Variants in NEGR1 observed in about 807,000 individuals in gnomAD.
NEGR1 encodes IgLON family member 4.
A neutral mutation model predicts 40.9 loss-of-function variants in NEGR1; 10 were observed. The ratio of observed to expected loss-of-function variants is 0.24; its 90% CI spans 0.15 to 0.42. The LOEUF is 0.42. Ranked by LOEUF, NEGR1 falls within the 10% of genes least tolerant of loss-of-function variation. The probability of loss-of-function intolerance (pLI) is 1.00; values close to 1 mark genes in which losing one functional copy is unlikely to be tolerated. For missense variants in NEGR1, 352 were observed against 438.9 expected, an observed-to-expected ratio of 0.80 and a Z score of 1.77; for synonymous variants, 185 against 166.8, an observed-to-expected ratio of 1.11 and a Z score of -0.84.
chr1:72,041,894 T>C (rs1306987846), intron 1 of NEGR1, among the ~76,000 whole-genome samples: 1 of 145,144 alleles, frequency 6.9e-6, no homozygotes, highest in Non-Finnish European at 1.5e-5. Context: ...TATAAATATA[T>C]ATTTGAGTTT....
intron 2 of NEGR1, among the ~76,000 whole-genome samples, chr1:71,819,975 G>A (rs1224243278): frequency 6.6e-6 from 1 of 152,024 alleles, no homozygotes; most frequent in African/African-American, 2.4e-5. Flanking sequence ...CCAGAAGGGG[G>A]ACAGGCTGTT....
At chr1:72,240,278 A>G (rs1415986675) in intron 1 of NEGR1, among the ~76,000 whole-genome samples, 1 of 151,894 alleles carries the variant, frequency 6.6e-6, no homozygotes, top group Non-Finnish European at 1.5e-5. Flanking sequence ...TCAATTTGCA[A>G]TGAAAAGAAA....
intron 3 of NEGR1, among the ~76,000 whole-genome samples, chr1:71,724,279 A>G (rs1022600285): frequency 6.6e-6 from 1 of 152,138 alleles, no homozygotes; most frequent in Non-Finnish European, 1.5e-5. Flanking sequence ...ATCACACCAT[A>G]CATCGTAGTT....
At chr1:72,056,520 C>G (rs2100485966) in intron 1 of NEGR1, among the ~76,000 whole-genome samples, 1 of 151,332 alleles carries the variant, frequency 6.6e-6, no homozygotes, top group South Asian at 2.1e-4. Context: ...TTAGAATAAT[C>G]TATCTAGTAA....
At chr1:72,053,742 G>A (rs953634800) in intron 1 of NEGR1, among the ~76,000 whole-genome samples, 1 of 151,034 alleles carries the variant, frequency 6.6e-6, no homozygotes, top group Non-Finnish European at 1.5e-5. Flanking sequence ...CACTGAACTT[G>A]TTTTCCACCC....
chr1:71,456,764 A>C (rs1200002621), intron 6 of NEGR1, among the ~76,000 whole-genome samples: 1 of 152,228 alleles, frequency 6.6e-6, no homozygotes, highest in African/African-American at 2.4e-5. Context: ...ATGTTTTTAC[A>C]ATTTTGCCAT....
intron 6 of NEGR1, among the ~76,000 whole-genome samples, chr1:71,430,115 TG>T (rs904260525): frequency 3.9e-5 from 6 of 152,212 alleles, no homozygotes; most frequent in African/African-American, 1.2e-4. Context: ...TACTGCAGTA[TG>T]GAAGAGGAGA....
At chr1:71,877,944 A>G (rs1422647657) in intron 2 of NEGR1, among the ~76,000 whole-genome samples, 1 of 152,166 alleles carries the variant, frequency 6.6e-6, no homozygotes, top group Non-Finnish European at 1.5e-5. Context: ...ATGGCCTGTC[A>G]TGGCCTGAAC....
Position 71,791,606 on chromosome 1 carries a change from T to C in NEGR1, c.410-15309A>G, listed in dbSNP as rs576851535. Among the ~76,000 whole-genome samples the C allele has an allele frequency of 5.3e-5, 8 of 152,232 alleles. No individual in the cohort carries two copies. The East Asian group carries it at 1.5e-3, about 29-fold the overall frequency. The stretch of plus-strand genomic sequence containing the variant: ...TATTTCATAATAATAGAATATTTCA[T>C]AGTGTTCCCATCAGATATTGAGATC... On this transcript the variant is annotated intron_variant, in intron 2 of 6. Transcript: ENST00000357731.
intron 6 of NEGR1, among the ~76,000 whole-genome samples, chr1:71,576,065 A>G (rs527782308): frequency 1.3e-5 from 2 of 152,292 alleles, no homozygotes; most frequent in Non-Finnish European, 2.9e-5. Context: ...ATAGTGTCCA[A>G]GAAACAACTT....
intron 4 of NEGR1, among the ~76,000 whole-genome samples, chr1:71,618,791 G>C (rs1324896866): frequency 2.0e-5 from 3 of 152,120 alleles, no homozygotes; most frequent in African/African-American, 4.8e-5. Flanking sequence ...AAAAAGGTTA[G>C]AGACTGCTGT....
chr1:71,568,277 GC>G (rs1272334304), intron 6 of NEGR1, among the ~76,000 whole-genome samples: 1 of 152,182 alleles, frequency 6.6e-6, no homozygotes, highest in Non-Finnish European at 1.5e-5. Flanking sequence ...ATATCAGAGA[GC>G]CCTATCTTAA....
chr1:72,071,319 G>C (rs534911200), intron 1 of NEGR1, among the ~76,000 whole-genome samples: 3 of 152,166 alleles, frequency 2.0e-5, no homozygotes, highest in Admixed American at 2.0e-4. Context: ...ATAAGTTAAT[G>C]TATATTCTAC....
intron 3 of NEGR1, among the ~76,000 whole-genome samples, chr1:71,735,145 C>T (rs565930886): frequency 7.2e-5 from 11 of 152,228 alleles, no homozygotes; most frequent in African/African-American, 2.6e-4. Context: ...ACTTCTATCT[C>T]AGCATGAGTT....
At chr1:71,915,247 T>C (rs1231492558) in intron 2 of NEGR1, among the ~76,000 whole-genome samples, 6 of 152,166 alleles carry the variant, frequency 3.9e-5, no homozygotes, top group Non-Finnish European at 7.4e-5. Context: ...CTTTTTGTCA[T>C]TACAAAGTTG....
intron 1 of NEGR1, among the ~76,000 whole-genome samples, chr1:71,981,291 G>T (rs1646352268): frequency 6.6e-6 from 1 of 152,042 alleles, no homozygotes; most frequent in African/African-American, 2.4e-5. Context: ...TTTTGATTAG[G>T]TTCATCTCAT....
chr1:71,635,316 A>G (rs1204651731), intron 4 of NEGR1, among the ~76,000 whole-genome samples: 2 of 152,146 alleles, frequency 1.3e-5, no homozygotes, highest in Non-Finnish European at 2.9e-5. Context: ...ACACAAACAC[A>G]GAAAAACAAA....
intron 1 of NEGR1, among the ~76,000 whole-genome samples, chr1:71,956,257 C>T (rs186196342): frequency 9.9e-5 from 15 of 152,188 alleles, no homozygotes; most frequent in Admixed American, 7.9e-4. Context: ...TGACATTTAC[C>T]AAATGCTCAG....
intron 6 of NEGR1, among the ~76,000 whole-genome samples, chr1:71,587,335 T>C (rs1649339992): frequency 6.6e-6 from 1 of 152,152 alleles, no homozygotes; most frequent in Non-Finnish European, 1.5e-5. Flanking sequence ...TACATTACTC[T>C]CTCTTACTTT....
Sources: allele counts gnomAD v4.1 joint callset (sites outside exome capture counted in the v4.1 genomes callset), GRCh38; gene constraint gnomAD v4.1.1; transcripts MANE v1.5; gene names NCBI Gene and HGNC (gene_info 2026-07-23, HGNC 2026-07-21).